The following GM2A variants were observed in gnomAD, a reference collection of about 807,000 sequenced individuals.
GM2A encodes GM2 ganglioside activator.
GM2A carries 7 observed loss-of-function variants against 12.9 expected under a neutral mutation model. That is an observed-to-expected ratio of 0.54 (90% CI 0.31 to 1.02). GM2A has a LOEUF of 1.02. Among genes scored for constraint, GM2A ranks in the 50% least tolerant of loss-of-function variants. The pLI is 0.05. For synonymous variants in GM2A, 101 were observed against 96.0 expected (o/e 1.05, Z -0.30); for missense variants, 246 against 241.0 (o/e 1.02, Z -0.14).
Position 151,269,930 on chromosome 5 carries a change from C to T in GM2A, c.*2479C>T, listed in dbSNP as rs886060276. The T allele has an allele frequency of 7.6e-6, 9 of 1,180,154 alleles. No homozygotes were observed. The highest frequency in any genetic ancestry group is 3.3e-4 in the Middle Eastern group (1 of 3,048). 73.1% of individuals were successfully genotyped at this position (1,180,154 alleles called of 1,614,324 possible). A position where few individuals can be genotyped will look rare whatever the true frequency, so the allele number is the denominator to read the frequency against. On this transcript the variant is annotated 3_prime_UTR_variant, in exon 4 of 4. Coordinates refer to ENST00000357164, the MANE Select transcript of GM2A (RefSeq NM_000405.5). ...CCACGAGTTGACCACTTCCCAATGC[C>T]GGGGATCTGACACCTCACCTGGCAA...
chr5:151,267,016 G>C (rs2127240934), intron 3 of GM2A, 103 bp downstream of exon 3: 1 of 1,033,354 alleles, frequency 9.7e-7, no homozygotes, highest in Non-Finnish European at 1.5e-6. Context: ...CATGTCTCTG[G>C]ATTTGTAAGC....
rs533014440 is a variant in GM2A, at chr5:151,268,091, G to C, written c.*640G>C. ...CAAACTCAGGTACCCGCAGGGCCTA[G>C]CAAGAGACTTAAATGACTGATAAGA... On this transcript the variant is annotated 3_prime_UTR_variant, in exon 4 of 4. Transcript: ENST00000357164. 2.0e-6 allele frequency: 2 copies of C among 992,986 alleles called. No homozygotes were observed. Among genetic ancestry groups the C allele is most frequent in the African/African-American group, 3.5e-5 (2 of 57,332 alleles). The allele number at this position is 992,986 out of a possible 1,614,324, so 61.5% of individuals were successfully genotyped here.
rs1218146594 is a variant in GM2A at position 151,269,901 on chromosome 5, C to A, written c.*2450C>A. 3.1e-6 allele frequency: 3 copies of A among 981,356 alleles called. No homozygotes were observed. Among genetic ancestry groups the A allele is most frequent in the East Asian group, 8.5e-5 (2 of 23,466 alleles). The allele number at this position is 981,356 out of a possible 1,614,324, so 60.8% of individuals were successfully genotyped here. On this transcript the variant is annotated 3_prime_UTR_variant, in exon 4 of 4. Transcript: ENST00000357164. ...ACTGTTGTTGGTGAATTCTTTTTACCAACCCACGAGTTGACCACTTCCCAA... is the reference window on the plus strand; with the variant it reads ...ACTGTTGTTGGTGAATTCTTTTTACAAACCCACGAGTTGACCACTTCCCAA...
At position 151,253,227 on chromosome 5, in the gene GM2A, T is replaced by A. The variant is rs762676667; in HGVS notation, c.11T>A (p.Leu4Gln). 1.2e-6 allele frequency: 2 copies of A among 1,613,920 alleles called. No homozygotes were observed. The highest frequency in any genetic ancestry group is 1.7e-6 in the Non-Finnish European group (2 of 1,179,794). MQS[L>Q]MQAPLLIALG... ...GACCCACCCTTCCCGATGCAGTCCC[T>A]GATGCAGGCTCCCCTCCTGATCGCC... Residue 4 changes from leucine (L) to glutamine (Q), a missense_variant, in exon 1 of 4, where the codon CTG becomes CAG. Coordinates refer to ENST00000357164, the MANE Select transcript of GM2A (RefSeq NM_000405.5).
At chr5:151,267,166 C>A in intron 3 of GM2A, 130 bp from the exon 4 acceptor site, 1 of 1,196,830 alleles carries the variant, frequency 8.4e-7, no homozygotes. Flanking sequence ...GGCCGTCTCT[C>A]ATCTTGTGCG....
intron 2 of GM2A, among the ~76,000 whole-genome samples, chr5:151,265,691 T>C (rs943366050): frequency 1.3e-4 from 20 of 152,156 alleles, no homozygotes; most frequent in Non-Finnish European, 4.4e-5. Flanking sequence ...ACCATGAAAT[T>C]TGGGCCACTT....
Position 151,268,840 on chromosome 5 carries a change from A to G in GM2A, c.*1389A>G, listed in dbSNP as rs986491729. The stretch of plus-strand genomic sequence containing the variant: ...CTGGCTCATGGGTGGCCACGTCACA[A>G]CCTCTGATCTCAGACCGTGCATGCC... On this transcript the variant is annotated 3_prime_UTR_variant, in exon 4 of 4. Transcript: ENST00000357164. 1 of 985,032 alleles carries G rather than the reference A, an allele frequency of 1.0e-6. No homozygotes were observed. The highest frequency in any genetic ancestry group is 1.7e-5 in the African/African-American group (1 of 57,194). 61.0% of individuals were successfully genotyped at this position (985,032 alleles called of 1,614,324 possible).
In GM2A at chr5:151,269,007, G is replaced by C; in HGVS notation, c.*1556G>C. On this transcript the variant is annotated 3_prime_UTR_variant, in exon 4 of 4. Coordinates refer to ENST00000357164, the MANE Select transcript of GM2A (RefSeq NM_000405.5). The stretch of plus-strand genomic sequence containing the variant: ...CACCTGTGAGCTGTGGGGATCACAA[G>C]GCTGCCTGCCTCAGTCTTGGAGTCC... The C allele has an allele frequency of 1.0e-6, 1 of 985,508 alleles. No homozygotes were observed. Among genetic ancestry groups the C allele is most frequent in the Non-Finnish European group, 1.2e-6 (1 of 829,978 alleles). The allele number at this position is 985,508 out of a possible 1,614,324, so 61.0% of individuals were successfully genotyped here.
In GM2A at chr5:151,267,350, A is replaced by G; in HGVS notation, c.481A>G (p.Ser161Gly). ...EFVVPDLELP[S>G]WLTTGNYRIE... ...CGTTGTGCCTGACCTGGAGCTGCCC[A>G]GTTGGCTCACCACCGGGAACTACCG... Residue 161 changes from serine (S) to glycine (G), a missense_variant, in exon 4 of 4, where the codon AGT becomes GGT. Physicochemically the swap from Ser to Gly is moderately conservative, Grantham distance 56. Coordinates refer to ENST00000357164, the MANE Select transcript of GM2A (RefSeq NM_000405.5). 6.2e-7 allele frequency: 1 copy of G among 1,614,076 alleles called. No homozygotes were observed. Among genetic ancestry groups the G allele is most frequent in the Non-Finnish European group, 8.5e-7 (1 of 1,179,988 alleles).
At position 151,268,336 on chromosome 5, in the gene GM2A, G is replaced by T. The variant is rs2127242402; in HGVS notation, c.*885G>T. 1 of 432,894 alleles carries T rather than the reference G, an allele frequency of 2.3e-6. No homozygotes were observed. The highest frequency in any genetic ancestry group is 2.1e-5 in the African/African-American group (1 of 46,710). The allele number at this position is 432,894 out of a possible 1,614,324, so 26.8% of individuals were successfully genotyped here. On this transcript the variant is annotated 3_prime_UTR_variant, in exon 4 of 4. Coordinates refer to ENST00000357164, the MANE Select transcript of GM2A (RefSeq NM_000405.5). Reference sequence around the variant, plus strand: ...CGCCCGGCTAATTTGTGTATTTTTAGTAGAGATGGGGTTTCACCATGTTGG... The same window carrying T: ...CGCCCGGCTAATTTGTGTATTTTTATTAGAGATGGGGTTTCACCATGTTGG...
chr5:151,261,516 G>A (rs2127236908), intron 2 of GM2A, among the ~76,000 whole-genome samples: 1 of 152,330 alleles, frequency 6.6e-6, no homozygotes, highest in Non-Finnish European at 1.5e-5. Context: ...TCAGCTCCCT[G>A]CAACCTCCAC....
At position 151,266,716 on chromosome 5, in the gene GM2A, A is replaced by AT. The variant is rs200971234; in HGVS notation, c.244-6dup. On this transcript the variant is annotated splice_polypyrimidine_tract_variant and intron_variant, in intron 2 of 3. Coordinates refer to ENST00000357164, the MANE Select transcript of GM2A (RefSeq NM_000405.5). The stretch of plus-strand genomic sequence containing the variant: ...ATAACCTTTTTCAAACCTTTGTTTT[A>AT]TTTTTTTTTACCAGGTGGATTTAGT... 1.8e-4 allele frequency: 288 copies of AT among 1,585,482 alleles called. No individual in the cohort carries two copies. Among genetic ancestry groups the AT allele is most frequent in the Non-Finnish European group, 1.9e-4 (223 of 1,155,976 alleles).
intron 2 of GM2A, among the ~76,000 whole-genome samples, chr5:151,261,308 A>G (rs1753794390): frequency 6.6e-6 from 1 of 152,202 alleles, no homozygotes; most frequent in Non-Finnish European, 1.5e-5. Flanking sequence ...TATAGGCGTG[A>G]GCCACCTTGC....
Position 151,253,253 on chromosome 5 carries a change from C to T in GM2A, c.37C>T (p.Leu13=), listed in dbSNP as rs1753622145. Residue 13 remains leucine, a synonymous_variant, in exon 1 of 4, where the codon CTG becomes TTG. Coordinates refer to ENST00000357164, the MANE Select transcript of GM2A (RefSeq NM_000405.5). Reference sequence around the variant, plus strand: ...GATGCAGGCTCCCCTCCTGATCGCCCTGGGCTTGCTTCTCGCGGCCCCTGC... The same window carrying T: ...GATGCAGGCTCCCCTCCTGATCGCCTTGGGCTTGCTTCTCGCGGCCCCTGC... The part of the protein sequence containing the change: ...SLMQAPLLIA[L]GLLLAAPAQA... 4 of 1,614,078 alleles carry T rather than the reference C, an allele frequency of 2.5e-6. No individual in the cohort carries two copies. The highest frequency in any genetic ancestry group is 3.4e-6 in the Non-Finnish European group (4 of 1,179,962).
Position 151,270,235 on chromosome 5 carries a change from A to T in GM2A, c.*2784A>T, listed in dbSNP as rs1753983910. The T allele has an allele frequency of 1.9e-6, 1 of 514,888 alleles. No individual in the cohort carries two copies. Among genetic ancestry groups the T allele is most frequent in the South Asian group, 9.9e-5 (1 of 10,118 alleles). 31.9% of individuals were successfully genotyped at this position (514,888 alleles called of 1,614,324 possible). A position where few individuals can be genotyped will look rare whatever the true frequency, so the allele number is the denominator to read the frequency against. ...AAGTTAGACCTGTACTTCACACCATATGCAAGAATGAACTCCATCTGGATC... is the reference window on the plus strand; with the variant it reads ...AAGTTAGACCTGTACTTCACACCATTTGCAAGAATGAACTCCATCTGGATC... On this transcript the variant is annotated 3_prime_UTR_variant, in exon 4 of 4. Transcript: ENST00000357164.
chr5:151,264,995 GAA>G, intron 2 of GM2A, among the ~76,000 whole-genome samples: 1 of 150,604 alleles, frequency 6.6e-6, no homozygotes, highest in Non-Finnish European at 1.5e-5. Flanking sequence ...AAAAAAAAAA[GAA>G]GGTGAGGGAA....
intron 2 of GM2A, among the ~76,000 whole-genome samples, chr5:151,264,269 A>G (rs1753846172): frequency 6.6e-6 from 1 of 152,244 alleles, no homozygotes; most frequent in Non-Finnish European, 1.5e-5. Flanking sequence ...ATGAGCCATC[A>G]TTTGTAATTT....
Position 151,269,114 on chromosome 5 carries a change from T to A in GM2A, c.*1663T>A. The stretch of plus-strand genomic sequence containing the variant: ...GGGGTCCAAGGAAGAGAGGGTGGCC[T>A]CGACATCAAACTGCCTGGATTTTTC... On this transcript the variant is annotated 3_prime_UTR_variant, in exon 4 of 4. Transcript: ENST00000357164. 2 of 985,478 alleles carry A rather than the reference T, an allele frequency of 2.0e-6. No homozygotes were observed. The highest frequency in any genetic ancestry group is 2.4e-6 in the Non-Finnish European group (2 of 829,956). 61.0% of individuals were successfully genotyped at this position (985,478 alleles called of 1,614,324 possible).
Position 151,268,306 on chromosome 5 carries a change from C to T in GM2A, c.*855C>T, listed in dbSNP as rs1172697652. 1 of 385,498 alleles carries T rather than the reference C, an allele frequency of 2.6e-6. No individual in the cohort carries two copies. The highest frequency in any genetic ancestry group is 3.5e-6 in the Non-Finnish European group (1 of 281,712). The allele number at this position is 385,498 out of a possible 1,614,324, so 23.9% of individuals were successfully genotyped here. A position where few individuals can be genotyped will look rare whatever the true frequency, so the allele number is the denominator to read the frequency against. On this transcript the variant is annotated 3_prime_UTR_variant, in exon 4 of 4. Coordinates refer to ENST00000357164, the MANE Select transcript of GM2A (RefSeq NM_000405.5). Reference sequence around the variant, plus strand: ...AAGTAGCTTGGACTACAGGCCCTGCCACCACGCCCGGCTAATTTGTGTATT... The same window carrying T: ...AAGTAGCTTGGACTACAGGCCCTGCTACCACGCCCGGCTAATTTGTGTATT...
Sources: allele counts gnomAD v4.1 joint callset (sites outside exome capture counted in the v4.1 genomes callset), GRCh38; gene constraint gnomAD v4.1.1; transcripts MANE v1.5; gene names NCBI Gene and HGNC (gene_info 2026-07-23, HGNC 2026-07-21).